The following TCF12 variants were observed in gnomAD, a reference collection of about 807,000 sequenced individuals.
TCF12 encodes DNA-binding protein HTF4.
TCF12 carries 45 observed loss-of-function variants against 86.0 expected under a neutral mutation model. That is an observed-to-expected ratio of 0.52 (90% CI 0.41 to 0.67). The LOEUF (loss-of-function observed/expected upper bound fraction) is 0.67. Among genes scored for constraint, TCF12 ranks in the 30% least tolerant of loss-of-function variants. The pLI is 0.00. For synonymous variants in TCF12, 330 were observed against 299.6 expected, an observed-to-expected ratio of 1.10 and a Z score of -1.05; for missense variants, 881 against 859.9, an observed-to-expected ratio of 1.02 and a Z score of -0.31.
intron 5 of TCF12, 81 bp downstream of exon 5, chr15:57,091,972 A>G: frequency 8.6e-7 from 1 of 1,163,938 alleles, no homozygotes. Context: ...TCCAGGAGGG[A>G]CAGGTAAGTA....
chr15:57,251,152 G>T, intron 13 of TCF12, 198 bp from the exon 14 acceptor site: 1 of 451,118 alleles, frequency 2.2e-6, no homozygotes, highest in South Asian at 4.0e-5. Flanking sequence ...TGTTTTCTCA[G>T]CACCCCATTT....
intron 5 of TCF12, among the ~76,000 whole-genome samples, chr15:57,141,782 T>A (rs918603282): frequency 2.0e-5 from 3 of 152,206 alleles, no homozygotes; most frequent in Non-Finnish European, 4.4e-5. Flanking sequence ...GTGTCAGAAA[T>A]CAGTCAGCCT....
intron 8 of TCF12, among the ~76,000 whole-genome samples, chr15:57,223,555 A>G (rs1333212305): frequency 6.6e-6 from 1 of 150,964 alleles, no homozygotes; most frequent in Non-Finnish European, 1.5e-5. Flanking sequence ...AAACTTTCAG[A>G]TACGTTTTAG....
chr15:57,024,618 A>T (rs1339865893), intron 3 of TCF12, among the ~76,000 whole-genome samples: 1 of 152,254 alleles, frequency 6.6e-6, no homozygotes, highest in Admixed American at 6.5e-5. Flanking sequence ...TAAGATGATC[A>T]GAATTCATGG....
At chr15:56,993,991 A>G (rs747214550) in intron 3 of TCF12, among the ~76,000 whole-genome samples, 17 of 152,192 alleles carry the variant, frequency 1.1e-4, no homozygotes, top group Non-Finnish European at 5.9e-5. Flanking sequence ...AAATGTTTCA[A>G]CAGACAATTG....
rs186520744 is a variant in TCF12 at position 57,258,369 on chromosome 15, G to A, written c.1468-3725G>A. ...AGTTAGCGACATCCCATTGATTTAT[G>A]GCCGTAATACCTAAGTACCTAGGCC... On this transcript the variant is annotated intron_variant, in intron 16 of 20. Transcript: ENST00000333725. 2.0e-4 allele frequency among the ~76,000 whole-genome samples: 30 copies of A among 152,258 alleles called. No individual in the cohort carries two copies. In the East Asian group the frequency reaches 5.8e-3, roughly 29 times the overall value.
intron 3 of TCF12, among the ~76,000 whole-genome samples, chr15:57,020,281 C>CAG (rs2065398367): frequency 6.6e-6 from 1 of 152,146 alleles, no homozygotes; most frequent in South Asian, 2.1e-4. Context: ...GGGATAGGAA[C>CAG]AGAAGCAAAT....
intron 3 of TCF12, among the ~76,000 whole-genome samples, chr15:57,027,237 C>T (rs943751306): frequency 6.6e-6 from 1 of 152,152 alleles, no homozygotes; most frequent in Admixed American, 6.5e-5. Flanking sequence ...TCTTCAACAC[C>T]TATGTCTTGG....
At chr15:57,113,796 A>AT (rs2050659772) in intron 5 of TCF12, among the ~76,000 whole-genome samples, 1 of 151,572 alleles carries the variant, frequency 6.6e-6, no homozygotes, top group South Asian at 2.1e-4. Context: ...AAAAAAAAAA[A>AT]AAAATTCAGC....
chr15:57,170,689 A>AT (rs71113072), intron 6 of TCF12, among the ~76,000 whole-genome samples: 4 of 23,554 alleles, frequency 1.7e-4, no homozygotes, highest in African/African-American at 4.3e-4. Context: ...TATTATATAT[A>AT]ATATATATTA....
chr15:56,960,441 T>G (rs1036944508), intron 3 of TCF12, among the ~76,000 whole-genome samples: 3 of 151,580 alleles, frequency 2.0e-5, no homozygotes. Flanking sequence ...TTTTTTTTTT[T>G]TTTTTTGAGA....
chr15:57,052,973 C>T (rs1349444993), intron 3 of TCF12, among the ~76,000 whole-genome samples: 1 of 152,088 alleles, frequency 6.6e-6, no homozygotes. Context: ...GGATAACTAT[C>T]TAGTAGTGGG....
chr15:56,921,169 C>T (rs2059774831), intron 3 of TCF12, 71 bp downstream of exon 3: 4 of 1,170,502 alleles, frequency 3.4e-6, no homozygotes, highest in Non-Finnish European at 4.8e-6. Flanking sequence ...AAATAGAAAG[C>T]ATAACATTTA....
At chr15:57,015,260 C>G (rs1242341922) in intron 3 of TCF12, among the ~76,000 whole-genome samples, 1 of 152,192 alleles carries the variant, frequency 6.6e-6, no homozygotes, top group Non-Finnish European at 1.5e-5. Context: ...TGCACTCCAG[C>G]CTGGGCGATA....
intron 3 of TCF12, among the ~76,000 whole-genome samples, chr15:56,974,580 T>C (rs2062507665): frequency 6.6e-6 from 1 of 152,134 alleles, no homozygotes; most frequent in African/African-American, 2.4e-5. Flanking sequence ...CTTTGAGAGA[T>C]ACTGTGCAAA....
intron 8 of TCF12, among the ~76,000 whole-genome samples, chr15:57,225,384 C>T (rs1304894734): frequency 6.6e-6 from 1 of 151,616 alleles, no homozygotes; most frequent in East Asian, 1.9e-4. Context: ...AGACTACAGG[C>T]GCCCGCCACC....
At chr15:57,251,857 A>G (rs1461576092) in intron 14 of TCF12, among the ~76,000 whole-genome samples, 1 of 152,192 alleles carries the variant, frequency 6.6e-6, no homozygotes, top group East Asian at 1.9e-4. Context: ...TTTTAAGTGA[A>G]TACCAGTGTT....
chr15:57,084,062 C>G (rs973479608), intron 4 of TCF12, among the ~76,000 whole-genome samples: 8 of 152,108 alleles, frequency 5.3e-5, no homozygotes, highest in African/African-American at 1.7e-4. Context: ...TCTTTTCTTG[C>G]AATTAGTTGT....
chr15:57,077,232 G>T (rs1317549598), intron 4 of TCF12, among the ~76,000 whole-genome samples: 3 of 152,016 alleles, frequency 2.0e-5, no homozygotes, highest in African/African-American at 7.3e-5. Flanking sequence ...CTGTAGATCA[G>T]TTGGAGGGGG....
Sources: gnomAD v4.1 joint callset for allele counts (sites outside exome capture counted in the v4.1 genomes callset) on GRCh38, gnomAD v4.1.1 for gene constraint, MANE v1.5 for transcripts, NCBI Gene and HGNC (gene_info 2026-07-23, HGNC 2026-07-21) for gene names.